Variants in RAP1GAP observed in about 807,000 individuals in gnomAD.
RAP1GAP encodes rap1 GTPase-activating protein 1.
In RAP1GAP, 35 loss-of-function variants were observed where a neutral mutation model predicts 87.2. The ratio of observed to expected loss-of-function variants is 0.40; its 90% CI spans 0.31 to 0.53. The LOEUF is 0.53. Among genes scored for constraint, RAP1GAP ranks in the 20% least tolerant of loss-of-function variants. The pLI, the probability that RAP1GAP is intolerant of heterozygous loss-of-function variation, is 0.48. For synonymous variants in RAP1GAP, 375 were observed against 363.9 expected (o/e 1.03, Z -0.35); for missense variants, 734 against 898.9 (o/e 0.82, Z 2.35).
intron 1 of RAP1GAP, among the ~76,000 whole-genome samples, chr1:21,652,404 T>C (rs1202323538): frequency 6.6e-6 from 1 of 152,068 alleles, no homozygotes; most frequent in Admixed American, 6.5e-5. Flanking sequence ...AGCAGATGCT[T>C]AATAAATGCC....
intron 2 of RAP1GAP, among the ~76,000 whole-genome samples, chr1:21,628,315 G>T (rs934697595): frequency 6.7e-6 from 1 of 148,840 alleles, no homozygotes; most frequent in African/African-American, 2.5e-5. Context: ...CACTTTGGGA[G>T]GCCAAGGCGG....
chr1:21,650,825 C>G (rs1219701609), intron 1 of RAP1GAP, among the ~76,000 whole-genome samples: 1 of 152,122 alleles, frequency 6.6e-6, no homozygotes, highest in African/African-American at 2.4e-5. Context: ...TCTGGCCTCC[C>G]ACCCCACCCC....
intron 20 of RAP1GAP, among the ~76,000 whole-genome samples, chr1:21,600,558 C>A (rs911737598): frequency 2.0e-5 from 3 of 152,322 alleles, no homozygotes; most frequent in Middle Eastern, 3.4e-3. Flanking sequence ...TAATTAAAAT[C>A]CTCCCAAGGT....
At chr1:21,599,356 G>A in intron 21 of RAP1GAP, 138 bp downstream of exon 21, 2 of 1,267,308 alleles carry the variant, frequency 1.6e-6, no homozygotes, top group South Asian at 1.4e-5. Flanking sequence ...GGGTTCGTCT[G>A]CACTGCTCCT....
intron 10 of RAP1GAP, 193 bp downstream of exon 10, chr1:21,612,983 T>C: frequency 1.5e-6 from 1 of 646,192 alleles, no homozygotes; most frequent in Non-Finnish European, 2.8e-6. Context: ...TCCTATCTGC[T>C]GTGCACCCTG....
At chr1:21,629,917 C>A (rs1160809972) in intron 2 of RAP1GAP, among the ~76,000 whole-genome samples, 2 of 152,180 alleles carry the variant, frequency 1.3e-5, no homozygotes, top group Admixed American at 1.3e-4. Flanking sequence ...TACGTCCAAT[C>A]CTGTGGACCT....
At chr1:21,611,025 G>A (rs571468227) in intron 13 of RAP1GAP, among the ~76,000 whole-genome samples, 2 of 152,198 alleles carry the variant, frequency 1.3e-5, no homozygotes, top group East Asian at 1.9e-4. Context: ...AGCTGTTCTC[G>A]CCACCTGGAA....
In RAP1GAP at chr1:21,613,144, C is replaced by G; in HGVS notation, c.528+32G>C. ...CTCAGTCTTCCAGTTACTCACCCAC[C>G]CTCAGTGAGCTGTGCCCAGATCCAG... On this transcript the variant is annotated intron_variant, in intron 10 of 24. Coordinates refer to ENST00000374765, the MANE Select transcript of RAP1GAP (RefSeq NM_002885.4). This position sits in a 1 kb window ranked among gnomAD's most constrained non-coding sequence, Gnocchi z 4.7. 6.6e-7 allele frequency: 1 copy of G among 1,524,732 alleles called. No homozygotes were observed. Among genetic ancestry groups the G allele is most frequent in the Non-Finnish European group, 9.1e-7 (1 of 1,098,848 alleles). 94.5% of individuals were successfully genotyped at this position (1,524,732 alleles called of 1,614,324 possible).
intron 2 of RAP1GAP, among the ~76,000 whole-genome samples, chr1:21,639,137 GT>G (rs983166351): frequency 1.3e-5 from 2 of 152,238 alleles, no homozygotes; most frequent in Non-Finnish European, 1.5e-5. Flanking sequence ...TACTTCATTT[GT>G]AAATGCAAAT....
chr1:21,629,894 A>G (rs1342386127), intron 2 of RAP1GAP, among the ~76,000 whole-genome samples: 1 of 152,204 alleles, frequency 6.6e-6, no homozygotes, highest in Non-Finnish European at 1.5e-5. Flanking sequence ...CAAGATCTGA[A>G]CTTTATAACA....
At position 21,606,097 on chromosome 1, in the gene RAP1GAP, T is replaced by C. The variant is rs759495716; in HGVS notation, c.1397A>G (p.Asn466Ser). The change falls in exon 18 of 25, where the codon AAC becomes AGC. Residue 466 changes from asparagine to serine, a missense_variant. Transcript: ENST00000374765. ...AGCCGCCTTGGCCAGGTCGGGGTTG[T>C]TGGGCGCGAAGCTCCCGCTGTGGCT... ...STSHSGSFAP[N>S]NPDLAKAAGI... 7.6e-6 allele frequency: 12 copies of C among 1,587,728 alleles called. No individual in the cohort carries two copies. The highest frequency in any genetic ancestry group is 9.4e-6 in the Non-Finnish European group (11 of 1,167,452).
At chr1:21,602,955 GC>G in intron 18 of RAP1GAP, 42 bp from the exon 19 acceptor site, 2 of 1,396,654 alleles carry the variant, frequency 1.4e-6, no homozygotes, top group Non-Finnish European at 9.7e-7. Flanking sequence ...TTACCTGGGA[GC>G]CCCAGTGCCC....
chr1:21,605,980 G>A (rs2149024085), intron 18 of RAP1GAP, 86 bp downstream of exon 18: 5 of 1,444,806 alleles, frequency 3.5e-6, no homozygotes, highest in African/African-American at 1.4e-5. Flanking sequence ...GCAACAGAGA[G>A]AGTTGGAGTC....
rs375358677 is a variant in RAP1GAP, at chr1:21,652,340, G to A, written c.-148-2544C>T. The stretch of plus-strand genomic sequence containing the variant: ...CTCCCGCCGGCCTCCTAGGACCTGG[G>A]GATGACGAAATGAGTTCACGCACGT... On this transcript the variant is annotated intron_variant, in intron 1 of 24. Coordinates refer to ENST00000374765, the MANE Select transcript of RAP1GAP (RefSeq NM_002885.4). Among the ~76,000 whole-genome samples, 105 of 152,324 alleles carry A rather than the reference G, an allele frequency of 6.9e-4. 2 individuals carry two copies. The East Asian group carries it at 0.016, about 24-fold the overall frequency.
intron 3 of RAP1GAP, among the ~76,000 whole-genome samples, chr1:21,620,854 T>A (rs199532689): frequency 2.6e-3 from 114 of 43,948 alleles, no homozygotes; most frequent in African/African-American, 5.9e-3. Context: ...GCACGCACAC[T>A]CTCTCTCTCT....
chr1:21,631,458 G>A (rs2093709673), intron 2 of RAP1GAP, among the ~76,000 whole-genome samples: 2 of 152,344 alleles, frequency 1.3e-5, no homozygotes, highest in South Asian at 4.1e-4. Context: ...GGCTGAGGCG[G>A]GTGGATCGCC....
chr1:21,663,649 A>C (rs1473046084), intron 1 of RAP1GAP, among the ~76,000 whole-genome samples: 1 of 152,110 alleles, frequency 6.6e-6, no homozygotes, highest in East Asian at 1.9e-4. Flanking sequence ...TGAGCAGGGT[A>C]CTGGGGTGGC....
intron 2 of RAP1GAP, among the ~76,000 whole-genome samples, chr1:21,637,148 T>C (rs1424803192): frequency 1.4e-5 from 2 of 147,498 alleles, no homozygotes; most frequent in Non-Finnish European, 1.5e-5. Flanking sequence ...TTTTTTTCTT[T>C]TTTTTTTTTT....
chr1:21,661,373 G>A (rs945870737), intron 1 of RAP1GAP, among the ~76,000 whole-genome samples: 1 of 152,130 alleles, frequency 6.6e-6, no homozygotes, highest in African/African-American at 2.4e-5. Context: ...CAGCTCTATA[G>A]TCTCCTTGTT....
Sources: gnomAD v4.1 joint callset for allele counts (sites outside exome capture counted in the v4.1 genomes callset) on GRCh38, gnomAD v4.1.1 for gene constraint, Gnocchi (gnomAD v3.1) non-coding constraint, MANE v1.5 for transcripts, NCBI Gene and HGNC (gene_info 2026-07-23, HGNC 2026-07-21) for gene names.